PPM1K: variants seen among roughly 807,000 people sequenced by gnomAD.
The protein encoded by PPM1K is protein phosphatase Mn(2+)-dependent 1K.
In PPM1K, 19 loss-of-function variants were observed where a neutral mutation model predicts 32.6. The observed-to-expected ratio is 0.58, with a 90% CI of 0.41 to 0.86. PPM1K has a LOEUF of 0.86. Among genes scored for constraint, PPM1K ranks in the 40% least tolerant of loss-of-function variants. PPM1K has a pLI of 0.00. For synonymous variants in PPM1K, 159 were observed against 165.3 expected, an observed-to-expected ratio of 0.96 and a Z score of 0.29; for missense variants, 362 against 461.2, an observed-to-expected ratio of 0.78 and a Z score of 1.97.
At position 88,278,125 on chromosome 4, in the gene PPM1K, T is replaced by A. The variant is rs772978799; in HGVS notation, c.440+19A>T. 1.3e-6 allele frequency: 2 copies of A among 1,594,466 alleles called. No individual in the cohort carries two copies. Among genetic ancestry groups the A allele is most frequent in the Non-Finnish European group, 1.7e-6 (2 of 1,165,750 alleles). The stretch of plus-strand genomic sequence containing the variant: ...AGTATAGGAACTGCAAAGTCAGGAG[T>A]GAAAGTCATTGTACATACATAATAC... On this transcript the variant is annotated intron_variant, in intron 2 of 6. Transcript: ENST00000608933. This position sits in a 1 kb window ranked among gnomAD's most constrained non-coding sequence, Gnocchi z 4.2.
intron 5 of PPM1K, 145 bp from the exon 6 acceptor site, chr4:88,265,280 A>G: frequency 7.0e-6 from 6 of 852,516 alleles, no homozygotes; most frequent in Non-Finnish European, 1.1e-5. Flanking sequence ...GTCCCCACCC[A>G]AATCTCATAT....
At chr4:88,269,833 C>T (rs527963460) in intron 3 of PPM1K, among the ~76,000 whole-genome samples, 64 of 152,314 alleles carry the variant, frequency 4.2e-4, no homozygotes, top group African/African-American at 1.4e-3. Flanking sequence ...TTCCTCCATC[C>T]AACTCAGACT....
chr4:88,277,497 G>A (rs1312803577), intron 2 of PPM1K: 2 of 381,978 alleles, frequency 5.2e-6, no homozygotes, highest in East Asian at 9.2e-5. Context: ...CCACAACCCT[G>A]AGAGGTCGAG....
At position 88,268,690 on chromosome 4, in the gene PPM1K, C is replaced by G. The variant is rs112265633; in HGVS notation, c.707+51G>C. On this transcript the variant is annotated intron_variant, in intron 4 of 6. Coordinates refer to ENST00000608933, the MANE Select transcript of PPM1K (RefSeq NM_152542.5). Reference sequence around the variant, plus strand: ...ACATCAGTTTAAAAACTATTATGAACTAAAAACATCATCCACATAGAATGA... The same window carrying G: ...ACATCAGTTTAAAAACTATTATGAAGTAAAAACATCATCCACATAGAATGA... 5.4e-4 allele frequency: 832 copies of G among 1,548,136 alleles called. 2 individuals carry two copies. In the African/African-American group the frequency reaches 0.01, roughly 19 times the overall value.
intron 5 of PPM1K, among the ~76,000 whole-genome samples, chr4:88,266,013 GA>G (rs1338421084): frequency 6.6e-6 from 1 of 152,160 alleles, no homozygotes; most frequent in East Asian, 1.9e-4. Context: ...GAAAAATGGG[GA>G]TAGTAGTACT....
In PPM1K at chr4:88,263,617, AT is replaced by A. The variant is rs113524087; in HGVS notation, c.988-892del. ...CCATGCCCAGCTAAGTAAAAAAAAT[AT>A]TTTTTTTTGTACAGACTGGGTCTCG... On this transcript the variant is annotated intron_variant, in intron 6 of 6. Coordinates refer to ENST00000608933, the MANE Select transcript of PPM1K (RefSeq NM_152542.5). Among the ~76,000 whole-genome samples the A allele has an allele frequency of 3.7e-3, 567 of 151,500 alleles. 2 individuals are homozygous for A. Among genetic ancestry groups the A allele is most frequent in the African/African-American group, 0.013 (534 of 41,306 alleles).
intron 6 of PPM1K, 44 bp from the exon 7 acceptor site, chr4:88,262,770 C>T (rs754445429): frequency 7.4e-5 from 117 of 1,573,872 alleles, no homozygotes; most frequent in Middle Eastern, 1.7e-4. Context: ...TTGGAAATCA[C>T]AGTCTATACA....
intron 1 of PPM1K, among the ~76,000 whole-genome samples, chr4:88,282,715 A>G (rs893060315): frequency 9.2e-5 from 14 of 152,366 alleles, no homozygotes; most frequent in African/African-American, 3.1e-4. Flanking sequence ...GAATATGTCT[A>G]TGTTCAGATG....
chr4:88,265,867 A>G (rs1357512802), intron 5 of PPM1K, among the ~76,000 whole-genome samples: 1 of 152,236 alleles, frequency 6.6e-6, no homozygotes, highest in Non-Finnish European at 1.5e-5. Context: ...CAGATAGCCC[A>G]ATGGTGAGAG....
chr4:88,281,738 A>G (rs1182354841), intron 1 of PPM1K, among the ~76,000 whole-genome samples: 1 of 152,192 alleles, frequency 6.6e-6, no homozygotes, highest in Non-Finnish European at 1.5e-5. Context: ...AAATCATATC[A>G]ATCCCCTCCA....
chr4:88,260,033 A>T lies in PPM1K; in HGVS notation c.*2562T>A, dbSNP rs1731060009. The stretch of plus-strand genomic sequence containing the variant: ...ATAGTAATGTAAAGCATTCAAAACA[A>T]AAATGAAACCTGCATATTTGTTTAT... On this transcript the variant is annotated 3_prime_UTR_variant, in exon 7 of 7. Transcript: ENST00000608933. The T allele has an allele frequency of 6.6e-6, 1 of 152,236 alleles. No individual in the cohort carries two copies. The highest frequency in any genetic ancestry group is 2.4e-5 in the African/African-American group (1 of 41,468). 9.4% of individuals were successfully genotyped at this position (152,236 alleles called of 1,614,324 possible).
At chr4:88,273,077 T>C (rs1056961502) in intron 3 of PPM1K, among the ~76,000 whole-genome samples, 3 of 152,240 alleles carry the variant, frequency 2.0e-5, no homozygotes, top group Non-Finnish European at 4.4e-5. Context: ...GTAAATATTT[T>C]AAATGTTAGT....
At chr4:88,263,619 T>C (rs1731206071) in intron 6 of PPM1K, among the ~76,000 whole-genome samples, 1 of 150,838 alleles carries the variant, frequency 6.6e-6, no homozygotes, top group South Asian at 2.1e-4. Context: ...AAAAAAATAT[T>C]TTTTTTTGTA....
intron 6 of PPM1K, among the ~76,000 whole-genome samples, chr4:88,264,109 C>T (rs1183920723): frequency 1.3e-5 from 2 of 152,254 alleles, no homozygotes; most frequent in East Asian, 3.9e-4. Flanking sequence ...TGAAATTGGG[C>T]CTATTTCCTC....
At chr4:88,274,916 C>T (rs536125141) in intron 3 of PPM1K, 35 of 307,120 alleles carry the variant, frequency 1.1e-4, no homozygotes, top group East Asian at 5.1e-4. Flanking sequence ...AAACACAGAC[C>T]GATAAGAATA....
In PPM1K at chr4:88,276,934, T is replaced by C. The variant is rs770714074; in HGVS notation, c.541+209A>G. 9.8e-6 allele frequency: 7 copies of C among 713,610 alleles called. No homozygotes were observed. The South Asian group carries it at 2.3e-4, about 23-fold the overall frequency. 44.2% of individuals were successfully genotyped at this position (713,610 alleles called of 1,614,324 possible). A position where few individuals can be genotyped will look rare whatever the true frequency, so the allele number is the denominator to read the frequency against. On this transcript the variant is annotated intron_variant, in intron 3 of 6. Transcript: ENST00000608933. ...TCTCTTTCTGAAAAATTCTCCAATA[T>C]ATTTCATTTAAAAGTGAGGTATTAA... is the stretch of plus-strand genomic sequence containing the variant.
chr4:88,279,247 T>C (rs1731913931), intron 1 of PPM1K: 1 of 152,226 alleles, frequency 6.6e-6, no homozygotes, highest in Non-Finnish European at 1.5e-5. Context: ...TTCCAAAGAA[T>C]GGCCAAGTTT....
intron 5 of PPM1K, among the ~76,000 whole-genome samples, chr4:88,265,766 T>C (rs1458228716): frequency 1.3e-5 from 2 of 152,252 alleles, no homozygotes; most frequent in African/African-American, 4.8e-5. Context: ...TGAAATCCCA[T>C]CACCAGAGGT....
rs1483016980 is a variant in PPM1K at position 88,260,817 on chromosome 4, T to G, written c.*1778A>C. The G allele has an allele frequency of 6.6e-6, 1 of 152,170 alleles. No homozygotes were observed. The highest frequency in any genetic ancestry group is 1.9e-4 in the East Asian group (1 of 5,206). The allele number at this position is 152,170 out of a possible 1,614,324, so 9.4% of individuals were successfully genotyped here. On this transcript the variant is annotated 3_prime_UTR_variant, in exon 7 of 7. Coordinates refer to ENST00000608933, the MANE Select transcript of PPM1K (RefSeq NM_152542.5). ...GAAGGTATATACTACATCAACTTTT[T>G]CTTTTGTTTCTGCCACAGAATTCCA...
Sources: allele counts gnomAD v4.1 joint callset (sites outside exome capture counted in the v4.1 genomes callset), GRCh38; gene constraint gnomAD v4.1.1; non-coding constraint Gnocchi (gnomAD v3.1); transcripts MANE v1.5; gene names NCBI Gene and HGNC (gene_info 2026-07-23, HGNC 2026-07-21).